RP1L1: variants seen among roughly 807,000 people sequenced by gnomAD.
RP1L1 encodes the protein RP1 like 1.
Under a neutral mutation model 15.7 loss-of-function variants are expected in RP1L1, and 27 were observed. The ratio of observed to expected loss-of-function variants is 1.72; its 90% CI spans 1.27 to 2.38. The LOEUF (loss-of-function observed/expected upper bound fraction) is 2.38. Ranked by LOEUF, RP1L1 falls within the 30% of genes most tolerant of loss-of-function variation. RP1L1 has a pLI of 0.00. For synonymous variants in RP1L1, 1,813 were observed against 1,276.7 expected (o/e 1.42, Z -8.96); for missense variants, 4,798 against 3,075.9 (o/e 1.56, Z -13.24).
At chr8:10,639,655 T>C (rs1798380332) in intron 1 of RP1L1, among the ~76,000 whole-genome samples, 1 of 152,202 alleles carries the variant, frequency 6.6e-6, no homozygotes, top group Non-Finnish European at 1.5e-5. Flanking sequence ...ATTACAAGTG[T>C]GAGCCACTGT....
At chr8:10,625,426 G>A (rs1206067812) in intron 1 of RP1L1, among the ~76,000 whole-genome samples, 1 of 151,486 alleles carries the variant, frequency 6.6e-6, no homozygotes, top group African/African-American at 2.4e-5. Flanking sequence ...GGAAGAGGGG[G>A]CCAGGCTGGA....
chr8:10,609,727 G>A lies in RP1L1; in HGVS notation c.4371C>T (p.Leu1457=), dbSNP rs781386514. Residue 1457 remains leucine (L), a synonymous_variant, in exon 4 of 4, where the codon CTC becomes CTT. Transcript: ENST00000382483. ...TEEPTEPPSH[L]SETDPSASER... Reference sequence around the variant, plus strand: ...CGCTGGCACTTGGGTCCGTCTCGCTGAGATGACTAGGGGGCTCTGTGGGTT... The same window carrying A: ...CGCTGGCACTTGGGTCCGTCTCGCTAAGATGACTAGGGGGCTCTGTGGGTT... The A allele has an allele frequency of 6.2e-7, 1 of 1,613,268 alleles. No individual in the cohort carries two copies. Among genetic ancestry groups the A allele is most frequent in the East Asian group, 2.2e-5 (1 of 44,872 alleles).
chr8:10,610,052 T>A lies in RP1L1; in HGVS notation c.4046A>T (p.Gln1349Leu), dbSNP rs13253053. 883 of 1,465,436 alleles carry A rather than the reference T, an allele frequency of 6.0e-4. 5 individuals carry two copies. The African/African-American group carries it at 0.011, about 19-fold the overall frequency. 90.8% of individuals were successfully genotyped at this position (1,465,436 alleles called of 1,614,324 possible). ...CTCTAACTGCGCCTCTTCTTCTTGC[T>A]GTCCTTCTCCTTCTGTTTCTTTAGT... ...EETKETEGEGQQEEEAQLEEI... is the reference protein window; with the variant it reads ...EETKETEGEGLQEEEAQLEEI... The change falls in exon 4 of 4, where the codon CAG (glutamine) becomes CTG (leucine). Residue 1349 changes from glutamine to leucine, a missense_variant. By Grantham distance (113) the Gln-to-Leu change is moderately radical. Coordinates refer to ENST00000382483, the MANE Select transcript of RP1L1 (RefSeq NM_178857.6).
At chr8:10,640,024 C>T (rs1417235209) in intron 1 of RP1L1, among the ~76,000 whole-genome samples, 1 of 152,030 alleles carries the variant, frequency 6.6e-6, no homozygotes, top group Non-Finnish European at 1.5e-5. Flanking sequence ...TGTTTGTTTG[C>T]CTTTTAGTTC....
At chr8:10,615,436 C>A (rs73662877) in intron 3 of RP1L1, among the ~76,000 whole-genome samples, 1 of 152,052 alleles carries the variant, frequency 6.6e-6, no homozygotes, top group Non-Finnish European at 1.5e-5. Context: ...TCCCTTTGAC[C>A]CCCATGCAGG....
In RP1L1 at chr8:10,606,730, G is replaced by C. The variant is rs1797707629; in HGVS notation, c.*165C>G. 5 of 1,171,046 alleles carry C rather than the reference G, an allele frequency of 4.3e-6. No individual in the cohort carries two copies. Among genetic ancestry groups the C allele is most frequent in the South Asian group, 3.2e-5 (2 of 63,422 alleles). 72.5% of individuals were successfully genotyped at this position (1,171,046 alleles called of 1,614,324 possible). ...AGCTCTCTGACACTTCTGGACTTAA[G>C]AGTCCCAGGACAGCATGGCATGGGC... On this transcript the variant is annotated 3_prime_UTR_variant, in exon 4 of 4. Transcript: ENST00000382483.
chr8:10,613,932 C>G (rs1334200829), intron 3 of RP1L1, among the ~76,000 whole-genome samples: 1 of 152,224 alleles, frequency 6.6e-6, no homozygotes, highest in Admixed American at 6.5e-5. Flanking sequence ...TTACTAGCTG[C>G]GTAGTTTTTG....
At chr8:10,631,472 T>C (rs967062732) in intron 1 of RP1L1, among the ~76,000 whole-genome samples, 18 of 152,058 alleles carry the variant, frequency 1.2e-4, no homozygotes, top group African/African-American at 4.1e-4. Flanking sequence ...GGAGCACTTC[T>C]TCAAATACAT....
At position 10,613,250 on chromosome 8, in the gene RP1L1, G is replaced by A. The variant is rs1797909796; in HGVS notation, c.848C>T (p.Pro283Leu). 1.2e-5 allele frequency: 20 copies of A among 1,611,580 alleles called. No individual in the cohort carries two copies. The highest frequency in any genetic ancestry group is 1.7e-5 in the Non-Finnish European group (20 of 1,180,022). The change falls in exon 4 of 4, where the codon CCC becomes CTC. Residue 283 changes from proline (P) to leucine (L), a missense_variant. Pro to Leu is a moderately conservative substitution (Grantham distance 98, BLOSUM62 -3). Coordinates refer to ENST00000382483, the MANE Select transcript of RP1L1 (RefSeq NM_178857.6). ...RLPERPGPSN[P>L]PVGPAPGRHP... is the part of the protein sequence containing the mutation. ...CCTGCCAGGAGCAGGGCCCACCGGG[G>A]GGTTGCTAGGACCAGGCCTTTCTGG...
At chr8:10,643,401 G>T (rs1798434340) in intron 1 of RP1L1, among the ~76,000 whole-genome samples, 1 of 152,124 alleles carries the variant, frequency 6.6e-6, no homozygotes, top group Non-Finnish European at 1.5e-5. Context: ...AGGCTGAGAC[G>T]TACCTGGTAC....
chr8:10,617,127 T>C (rs1222531064), intron 2 of RP1L1, among the ~76,000 whole-genome samples: 1 of 151,960 alleles, frequency 6.6e-6, no homozygotes, highest in Non-Finnish European at 1.5e-5. Context: ...CCTTCCAGAC[T>C]CCTAAAATGG....
At position 10,610,213 on chromosome 8, in the gene RP1L1, G is replaced by C; in HGVS notation, c.3885C>G (p.Asn1295Lys). Residue 1295 changes from asparagine to lysine, a missense_variant, in exon 4 of 4, where the codon AAC becomes AAG. By Grantham distance (94) the Asn-to-Lys change is moderately conservative (BLOSUM62 0). Transcript: ENST00000382483. ...ASSNLEQLAE[N>K]TVQEEVQLEE... is the part of the protein sequence containing the mutation. ...CTAATTGCACCTCTTCTTGCACTGT[G>C]TTTTCAGCTAACTGCTCCAGGTTCG... 6.9e-7 allele frequency: 1 copy of C among 1,450,364 alleles called. No homozygotes were observed. Among genetic ancestry groups the C allele is most frequent in the Non-Finnish European group, 9.3e-7 (1 of 1,078,402 alleles). The allele number at this position is 1,450,364 out of a possible 1,614,324, so 89.8% of individuals were successfully genotyped here. A position where few individuals can be genotyped will look rare whatever the true frequency, so the allele number is the denominator to read the frequency against.
At chr8:10,648,172 T>C (rs1327426458) in intron 1 of RP1L1, among the ~76,000 whole-genome samples, 2 of 152,028 alleles carry the variant, frequency 1.3e-5, no homozygotes, top group African/African-American at 4.8e-5. Flanking sequence ...GCTGGGACTA[T>C]AGGCATGTGC....
In RP1L1 at chr8:10,610,361, C is replaced by G; in HGVS notation, c.3737G>C (p.Ser1246Thr). 1.2e-6 allele frequency: 2 copies of G among 1,614,150 alleles called. No individual in the cohort carries two copies. The highest frequency in any genetic ancestry group is 1.7e-6 in the Non-Finnish European group (2 of 1,180,048). ...CTGTTGGTTTTCCAGATCCCCTGGG[C>G]TCTCATAAGTTCTTGAATCAGGCCT... ...NQRPDSRTYE[S>T]PGDLENQQQC... The change falls in exon 4 of 4, where the codon AGC becomes ACC. Residue 1246 changes from serine (S) to threonine (T), a missense_variant. By Grantham distance (58) the Ser-to-Thr change is moderately conservative. Coordinates refer to ENST00000382483, the MANE Select transcript of RP1L1 (RefSeq NM_178857.6).
At chr8:10,619,145 C>T (rs923139581) in intron 2 of RP1L1, among the ~76,000 whole-genome samples, 4 of 152,242 alleles carry the variant, frequency 2.6e-5, no homozygotes, top group Non-Finnish European at 5.9e-5. Context: ...GCTGGGATTA[C>T]AGGTGTGAGC....
chr8:10,615,291 A>G (rs569475011), intron 3 of RP1L1, among the ~76,000 whole-genome samples: 2 of 152,218 alleles, frequency 1.3e-5, no homozygotes, highest in Non-Finnish European at 2.9e-5. Flanking sequence ...ATCAGACTGC[A>G]TTTGTTAATT....
At chr8:10,647,479 C>T (rs953239823) in intron 1 of RP1L1, among the ~76,000 whole-genome samples, 1 of 152,170 alleles carries the variant, frequency 6.6e-6, no homozygotes, top group African/African-American at 2.4e-5. Flanking sequence ...GGACCCTTTG[C>T]ACACTCCATC....
At chr8:10,620,792 A>C (rs1056026551) in intron 2 of RP1L1, among the ~76,000 whole-genome samples, 1 of 152,232 alleles carries the variant, frequency 6.6e-6, no homozygotes, top group Non-Finnish European at 1.5e-5. Flanking sequence ...GATAGGGAGG[A>C]AGTCATCTAT....
At chr8:10,619,345 G>C (rs567667311) in intron 2 of RP1L1, among the ~76,000 whole-genome samples, 2 of 152,234 alleles carry the variant, frequency 1.3e-5, no homozygotes, top group Admixed American at 6.5e-5. Context: ...GCAAAAGGAA[G>C]TCAAAGATGC....
Sources: allele counts gnomAD v4.1 joint callset (sites outside exome capture counted in the v4.1 genomes callset), GRCh38; gene constraint gnomAD v4.1.1; transcripts MANE v1.5; gene names NCBI Gene and HGNC (gene_info 2026-07-23, HGNC 2026-07-21).